The following ITGB5 variants were observed in gnomAD, a reference collection of about 807,000 sequenced individuals.
ITGB5 encodes the protein integrin subunit beta 5.
ITGB5 carries 38 observed loss-of-function variants against 84.8 expected under a neutral mutation model. That is an observed-to-expected ratio of 0.45 (90% confidence interval 0.35 to 0.59). The LOEUF (loss-of-function observed/expected upper bound fraction) is 0.59. Among genes scored for constraint, ITGB5 ranks in the 20% least tolerant of loss-of-function variants. The pLI is 0.01. For synonymous variants in ITGB5, 393 were observed against 414.4 expected, an observed-to-expected ratio of 0.95 and a Z score of 0.63; for missense variants, 905 against 1,034.5, an observed-to-expected ratio of 0.87 and a Z score of 1.72.
chr3:124,856,186 TTCTCTAAC>T (rs1326405061), intron 3 of ITGB5, among the ~76,000 whole-genome samples: 32 of 152,134 alleles, frequency 2.1e-4, no homozygotes, highest in Admixed American at 2.1e-3. Context: ...ACACCCGGCC[TTCTCTAAC>T]TCTCTAACTC....
At chr3:124,801,931 A>C (rs114337727) in intron 9 of ITGB5, among the ~76,000 whole-genome samples, 5,234 of 152,276 alleles carry the variant, frequency 0.034, 135 homozygotes, top group African/African-American at 0.066. Context: ...ACACCCTAGC[A>C]GACACATCTT....
intron 5 of ITGB5, among the ~76,000 whole-genome samples, chr3:124,831,330 T>C (rs887851780): frequency 3.3e-5 from 5 of 152,130 alleles, no homozygotes; most frequent in Admixed American, 1.3e-4. Context: ...GGGCTCTGAA[T>C]TGGACCTGGA....
intron 10 of ITGB5, among the ~76,000 whole-genome samples, chr3:124,783,749 C>G (rs1051702665): frequency 6.6e-6 from 1 of 152,224 alleles, no homozygotes. Context: ...ATTAAGAATT[C>G]TCTTTTCTCT....
intron 1 of ITGB5, among the ~76,000 whole-genome samples, chr3:124,886,149 G>C (rs1265069083): frequency 6.6e-6 from 1 of 152,206 alleles, no homozygotes; most frequent in Admixed American, 6.5e-5. Flanking sequence ...GTCGGGCTAA[G>C]GCAATCTCCA....
At chr3:124,890,972 G>A (rs1427236823), upstream of ITGB5, among the ~76,000 whole-genome samples, 1 of 151,784 alleles carries the variant, frequency 6.6e-6, no homozygotes, top group Non-Finnish European at 1.5e-5. Context: ...CTCACCTCGA[G>A]GCAAAACTCC....
In ITGB5 at chr3:124,762,584, C is replaced by T. The variant is rs2063710239; in HGVS notation, c.*1039G>A. 1 of 152,198 alleles carries T rather than the reference C, an allele frequency of 6.6e-6. No homozygotes were observed. The highest frequency in any genetic ancestry group is 1.5e-5 in the Non-Finnish European group (1 of 68,032). 9.4% of individuals were successfully genotyped at this position (152,198 alleles called of 1,614,324 possible). A position where few individuals can be genotyped will look rare whatever the true frequency, so the allele number is the denominator to read the frequency against. On this transcript the variant is annotated 3_prime_UTR_variant, in exon 15 of 15. Coordinates refer to ENST00000296181, the MANE Select transcript of ITGB5 (RefSeq NM_002213.5). The stretch of plus-strand genomic sequence containing the variant: ...AAGTGTTTCGGGAGTGAGGGGAGGC[C>T]TTGGAAGGGAACTGCTATTGCTAAT...
upstream of ITGB5, among the ~76,000 whole-genome samples, chr3:124,890,077 G>A (rs1934963336): frequency 6.6e-6 from 1 of 152,154 alleles, no homozygotes; most frequent in Non-Finnish European, 1.5e-5. Flanking sequence ...CGTGCCAAGT[G>A]GTGATTTTAA....
At position 124,762,400 on chromosome 3, in the gene ITGB5, G is replaced by C. The variant is rs1045794538; in HGVS notation, c.*1223C>G. ...TTCAGTAACCTCCTAACAAACACTC[G>C]GGCAAGCCACTTCCCCTCTCTGAGA... On this transcript the variant is annotated 3_prime_UTR_variant, in exon 15 of 15. Transcript: ENST00000296181. The C allele has an allele frequency of 6.6e-6, 1 of 152,146 alleles. No individual in the cohort carries two copies. Among genetic ancestry groups the C allele is most frequent in the East Asian group, 1.9e-4 (1 of 5,188 alleles). 9.4% of individuals were successfully genotyped at this position (152,146 alleles called of 1,614,324 possible).
At chr3:124,854,728 T>A (rs996170545) in intron 3 of ITGB5, among the ~76,000 whole-genome samples, 3 of 152,216 alleles carry the variant, frequency 2.0e-5, no homozygotes, top group Admixed American at 6.5e-5. Flanking sequence ...ACCACTGAAT[T>A]GTACACCTTA....
At chr3:124,846,619 G>T (rs938891689) in intron 4 of ITGB5, among the ~76,000 whole-genome samples, 6 of 152,050 alleles carry the variant, frequency 3.9e-5, no homozygotes, top group Non-Finnish European at 5.9e-5. Flanking sequence ...TGATTTGAAT[G>T]GGGAAGAAGA....
chr3:124,874,306 G>GAAAAA (rs59287818), intron 1 of ITGB5, among the ~76,000 whole-genome samples: 5 of 113,380 alleles, frequency 4.4e-5, no homozygotes, highest in African/African-American at 1.4e-4. Context: ...TCAAAAGCCG[G>GAAAAA]AAAAAAAAAA....
intron 1 of ITGB5, among the ~76,000 whole-genome samples, chr3:124,881,796 C>T (rs1243791531): frequency 6.7e-6 from 1 of 149,720 alleles, no homozygotes; most frequent in East Asian, 2.0e-4. Context: ...GGTGAAACCC[C>T]ATCTCTACTA....
At chr3:124,778,285 A>G (rs980843119) in intron 10 of ITGB5, among the ~76,000 whole-genome samples, 8 of 152,380 alleles carry the variant, frequency 5.3e-5, no homozygotes, top group African/African-American at 1.9e-4. Context: ...GAAGTTGTAA[A>G]TGTGTCTATT....
At position 124,817,639 on chromosome 3, in the gene ITGB5, C is replaced by T; in HGVS notation, c.1110G>A (p.Leu370=). 6.4e-7 allele frequency: 1 copy of T among 1,564,010 alleles called. No homozygotes were observed. The highest frequency in any genetic ancestry group is 8.8e-7 in the Non-Finnish European group (1 of 1,142,664). The change falls in exon 8 of 15, where the codon CTG becomes CTA. Residue 370 remains leucine (L), a synonymous_variant. Transcript: ENST00000296181. The part of the protein sequence containing the change: ...LDGDSKNIIQ[L]IINAYNSIRS... ...GACTTACATTGTATGCATTAATAATCAGTTGAATAATATTTTTGGAGTCTC... is the reference window on the plus strand; with the variant it reads ...GACTTACATTGTATGCATTAATAATTAGTTGAATAATATTTTTGGAGTCTC...
intron 8 of ITGB5, among the ~76,000 whole-genome samples, chr3:124,814,294 G>A (rs536495375): frequency 1.6e-4 from 24 of 151,992 alleles, no homozygotes; most frequent in African/African-American, 5.5e-4. Flanking sequence ...CCTGAAGGGA[G>A]GGGTGGAAGA....
Position 124,869,217 on chromosome 3 carries a change from G to C in ITGB5, c.156+4229C>G, listed in dbSNP as rs796410975. On this transcript the variant is annotated intron_variant, in intron 2 of 14. Coordinates refer to ENST00000296181, the MANE Select transcript of ITGB5 (RefSeq NM_002213.5). ...TTATTACATCTTTGATGATGTCCTGGGATATATGGTTAAGAAGGCACCCAG... is the reference window on the plus strand; with the variant it reads ...TTATTACATCTTTGATGATGTCCTGCGATATATGGTTAAGAAGGCACCCAG... Among the ~76,000 whole-genome samples, 23 of 152,208 alleles carry C rather than the reference G, an allele frequency of 1.5e-4. 1 individual carries two copies. Among genetic ancestry groups the C allele is most frequent in the East Asian group, 1.2e-3 (6 of 5,182 alleles).
intron 1 of ITGB5, among the ~76,000 whole-genome samples, chr3:124,885,662 C>G (rs1391881999): frequency 6.6e-6 from 1 of 152,230 alleles, no homozygotes; most frequent in African/African-American, 2.4e-5. Context: ...CTCGCTTTCC[C>G]TAGGGACCCA....
intron 4 of ITGB5, among the ~76,000 whole-genome samples, chr3:124,843,778 C>A (rs777613755): frequency 6.6e-6 from 1 of 152,166 alleles, no homozygotes; most frequent in Admixed American, 6.5e-5. Flanking sequence ...TATCCTACCC[C>A]TCTCATGTGT....
chr3:124,860,123 C>T (rs943681589), intron 2 of ITGB5, among the ~76,000 whole-genome samples: 28 of 152,110 alleles, frequency 1.8e-4, no homozygotes, highest in Non-Finnish European at 4.4e-5. Flanking sequence ...GTGCTCTACT[C>T]CAAGAAACTT....
Sources: allele counts gnomAD v4.1 joint callset (sites outside exome capture counted in the v4.1 genomes callset), GRCh38; gene constraint gnomAD v4.1.1; transcripts MANE v1.5; gene names NCBI Gene and HGNC (gene_info 2026-07-23, HGNC 2026-07-21).